CCT6A: variants seen among roughly 807,000 people sequenced by gnomAD.
The protein encoded by CCT6A is chaperonin containing TCP1 subunit 6A.
A neutral mutation model predicts 58.6 loss-of-function variants in CCT6A; 6 were observed. The observed-to-expected ratio is 0.10, with a 90% CI of 0.06 to 0.20. The LOEUF is 0.20. CCT6A is among the 10% of genes least tolerant of loss of function. The pLI, the probability that CCT6A is intolerant of heterozygous loss-of-function variation, is 1.00. For synonymous variants in CCT6A, 245 were observed against 227.8 expected (o/e 1.08, Z -0.68); for missense variants, 516 against 648.8 (o/e 0.80, Z 2.22).
chr7:56,052,958 TG>T (rs1234409299), intron 2 of CCT6A, among the ~76,000 whole-genome samples: 7 of 152,188 alleles, frequency 4.6e-5, no homozygotes, highest in African/African-American at 1.7e-4. Flanking sequence ...TACGCCCAGT[TG>T]ATTTTTGTAT....
At chr7:56,058,801 T>C in intron 8 of CCT6A, 99 bp downstream of exon 8, 1 of 726,408 alleles carries the variant, frequency 1.4e-6, no homozygotes, top group Non-Finnish European at 2.4e-6. Context: ...GTATAGTTAA[T>C]TGGCATTAAC....
chr7:56,052,277 G>A, intron 1 of CCT6A, 145 bp from the exon 2 acceptor site: 1 of 736,970 alleles, frequency 1.4e-6, no homozygotes, highest in Non-Finnish European at 2.3e-6. Context: ...GACGGGGTGG[G>A]CACTACACCT....
intron 5 of CCT6A, among the ~76,000 whole-genome samples, chr7:56,056,889 CG>C (rs1427455627): frequency 1.3e-5 from 2 of 151,128 alleles, no homozygotes; most frequent in Non-Finnish European, 3.0e-5. Flanking sequence ...CTCTGCCTCC[CG>C]GGTTCACACC....
At chr7:56,057,894 GTGAC>G in intron 5 of CCT6A, 95 bp from the exon 6 acceptor site, 2 of 711,512 alleles carry the variant, frequency 2.8e-6, no homozygotes, top group Non-Finnish European at 5.0e-6. Context: ...AAAGAAAAAT[GTGAC>G]TGCGTGAAAT....
At chr7:56,058,765 A>G in intron 8 of CCT6A, 63 bp downstream of exon 8, 5 of 1,060,046 alleles carry the variant, frequency 4.7e-6, no homozygotes, top group East Asian at 2.4e-5. Context: ...CTTTTTCCTT[A>G]TACTTTATTT....
chr7:56,058,345 T>G lies in CCT6A; in HGVS notation c.726-17T>G, dbSNP rs1490237748. On this transcript the variant is annotated splice_polypyrimidine_tract_variant and intron_variant, in intron 6 of 13. Transcript: ENST00000275603. ...TAATGTTTCCCTGCTTTCTGTAACT[T>G]TTTTTTTTCTTAATAGAGAAGTGAA... 1.9e-6 allele frequency: 3 copies of G among 1,541,932 alleles called. No individual in the cohort carries two copies. Among genetic ancestry groups the G allele is most frequent in the Non-Finnish European group, 2.6e-6 (3 of 1,146,586 alleles).
chr7:56,058,840 C>T, intron 8 of CCT6A, 138 bp downstream of exon 8: 1 of 543,144 alleles, frequency 1.8e-6, no homozygotes, highest in South Asian at 3.0e-5. Flanking sequence ...CCCGTCAGCA[C>T]TGTCCATCTC....
chr7:56,052,637 G>A, intron 2 of CCT6A, 152 bp downstream of exon 2: 1 of 666,460 alleles, frequency 1.5e-6, no homozygotes, highest in Non-Finnish European at 2.7e-6. Context: ...GAGTCTGACA[G>A]CCCTGCCTTT....
At chr7:56,056,159 C>G (rs140214082) in intron 4 of CCT6A, 152 bp from the exon 5 acceptor site, 895 of 618,058 alleles carry the variant, frequency 1.4e-3, no homozygotes, top group Non-Finnish European at 2.1e-3. Flanking sequence ...CAGCTGTTGC[C>G]TTTTACATAT....
intron 12 of CCT6A, chr7:56,062,055 G>T (rs188942708): frequency 4.8e-6 from 2 of 413,432 alleles, no homozygotes; most frequent in East Asian, 4.3e-5. Context: ...GTAATTTGGG[G>T]ATACAATTTT....
intron 3 of CCT6A, chr7:56,055,228 T>G (rs1794281097): frequency 4.0e-6 from 1 of 248,222 alleles, no homozygotes; most frequent in Admixed American, 3.8e-5. Flanking sequence ...GAGTCGAGAT[T>G]GTGCCATTGT....
In CCT6A at chr7:56,058,069, C is replaced by T. The variant is rs148616984; in HGVS notation, c.691C>T (p.Leu231Phe). 3,941 of 1,608,676 alleles carry T rather than the reference C, an allele frequency of 2.4e-3. 14 individuals are homozygous for T. Among genetic ancestry groups the T allele is most frequent in the Non-Finnish European group, 3.1e-3 (3,673 of 1,175,098 alleles). ...GAAAAGGGTGGAGGATGCATACATC[C>T]TCACTTGTAACGTGTCATTAGAGTA... ...MKKRVEDAYI[L>F]TCNVSLEYEK... The change falls in exon 6 of 14, where the codon CTC becomes TTC. Residue 231 changes from leucine to phenylalanine, a missense_variant. Around this residue, in one of 3 missense-constraint regions of CCT6A, gnomAD observed 315 missense variants for 389.4 expected, o/e 0.81. Transcript: ENST00000275603.
intron 1 of CCT6A, 75 bp downstream of exon 1, chr7:56,052,060 A>C: frequency 8.1e-7 from 1 of 1,231,264 alleles, no homozygotes; most frequent in South Asian, 2.7e-5. Context: ...GGGACCGCGG[A>C]CTGGAGCCCG....
rs570392462 is a variant in CCT6A, at chr7:56,062,627, A to G, written c.1451-56A>G. 609 of 1,368,516 alleles carry G rather than the reference A, an allele frequency of 4.5e-4. 1 individual carries two copies. Among genetic ancestry groups the G allele is most frequent in the Non-Finnish European group, 5.6e-4 (537 of 955,646 alleles). 84.8% of individuals were successfully genotyped at this position (1,368,516 alleles called of 1,614,324 possible). ...TCATCAGTGATAAGCAAAGCTGCAC[A>G]CAATATTGTTGGTTCTTACTGACTG... On this transcript the variant is annotated intron_variant, in intron 12 of 13. Transcript: ENST00000275603.
intron 1 of CCT6A, 146 bp downstream of exon 1, chr7:56,052,131 C>T (rs1380874387): frequency 4.0e-6 from 3 of 742,218 alleles, no homozygotes; most frequent in African/African-American, 1.8e-5. Context: ...CTGTGTCCCT[C>T]CTAAGCCCCA....
intron 4 of CCT6A, 38 bp downstream of exon 4, chr7:56,055,835 C>T (rs1369875993): frequency 2.1e-6 from 3 of 1,441,554 alleles, no homozygotes; most frequent in Non-Finnish European, 1.9e-6. Context: ...GTATAGTATA[C>T]CTATATAGAA....
chr7:56,057,951 A>G (rs957449992), intron 5 of CCT6A, 42 bp from the exon 6 acceptor site: 17 of 1,009,112 alleles, frequency 1.7e-5, no homozygotes, highest in Non-Finnish European at 2.7e-5. Context: ...TTAAATACCC[A>G]TCTGAAAATC....
At chr7:56,062,170 TGTG>T (rs1389941205) in intron 12 of CCT6A, 5 of 227,068 alleles carry the variant, frequency 2.2e-5, no homozygotes, top group East Asian at 1.1e-4. Flanking sequence ...AGAAAATAGA[TGTG>T]GTGATTATAT....
chr7:56,051,775 G>T lies in CCT6A; in HGVS notation c.-74G>T, dbSNP rs1018002520. The T allele has an allele frequency of 1.3e-4, 201 of 1,523,746 alleles. 2 individuals carry two copies. The Middle Eastern group carries it at 2.3e-3, about 18-fold the overall frequency. The allele number at this position is 1,523,746 out of a possible 1,614,324, so 94.4% of individuals were successfully genotyped here. A position where few individuals can be genotyped will look rare whatever the true frequency, so the allele number is the denominator to read the frequency against. ...CGGGCCGACTTTTCCAGAAGACCCG[G>T]ATAGTTCCTCCCGGCCACGCCGCGC... is the stretch of plus-strand genomic sequence containing the variant. On this transcript the variant is annotated 5_prime_UTR_variant, in exon 1 of 14. Coordinates refer to ENST00000275603, the MANE Select transcript of CCT6A (RefSeq NM_001762.4).
Sources: allele counts gnomAD v4.1 joint callset (sites outside exome capture counted in the v4.1 genomes callset), GRCh38; gene constraint gnomAD v4.1.1; regional missense constraint gnomAD v4.1.1; transcripts MANE v1.5; gene names NCBI Gene and HGNC (gene_info 2026-07-23, HGNC 2026-07-21).